Variants in ZNF599 observed in about 807,000 individuals in gnomAD.
ZNF599 encodes zinc finger protein 599.
Under a neutral mutation model 11.7 loss-of-function variants are expected in ZNF599, and 10 were observed. The ratio of observed to expected loss-of-function variants is 0.86; its 90% CI spans 0.53 to 1.45. The LOEUF (loss-of-function observed/expected upper bound fraction) is 1.45. ZNF599 is among the 40% of genes most tolerant of loss of function. The pLI is 0.00. For missense variants in ZNF599, 688 were observed against 713.6 expected, an observed-to-expected ratio of 0.96 and a Z score of 0.41; for synonymous variants, 232 against 253.2, an observed-to-expected ratio of 0.92 and a Z score of 0.79.
the ZNF599 span, among the ~76,000 whole-genome samples, chr19:34,805,057 C>A: frequency 1.2e-4 from 19 of 152,330 alleles, no homozygotes; most frequent in Middle Eastern, 3.4e-3. Flanking sequence ...ACATATCTTC[C>A]TACTTTCTCT....
chr19:34,768,178 G>A (rs1476574690), intron 2 of ZNF599, among the ~76,000 whole-genome samples: 1 of 152,120 alleles, frequency 6.6e-6, no homozygotes, highest in Admixed American at 6.5e-5. Context: ...CTCAGCAAAT[G>A]TTCTGCCATA....
At chr19:34,772,647 G>A in intron 1 of ZNF599, 177 bp downstream of exon 1, 5 of 1,403,144 alleles carry the variant, frequency 3.6e-6, no homozygotes, top group Non-Finnish European at 4.6e-6. Flanking sequence ...CCTGGATTCA[G>A]GACCCTGGGT....
the ZNF599 span, among the ~76,000 whole-genome samples, chr19:34,786,933 G>T: frequency 6.6e-6 from 1 of 152,128 alleles, no homozygotes; most frequent in African/African-American, 2.4e-5. Context: ...TAACATTAAA[G>T]ACTGTTCTAA....
At chr19:34,797,260 G>T in the ZNF599 span, among the ~76,000 whole-genome samples, 1 of 152,092 alleles carries the variant, frequency 6.6e-6, no homozygotes, top group Non-Finnish European at 1.5e-5. Context: ...TGTGAATAGT[G>T]CCGCAATAAA....
At chr19:34,792,418 T>C in the ZNF599 span, among the ~76,000 whole-genome samples, 1 of 152,182 alleles carries the variant, frequency 6.6e-6, no homozygotes, top group Non-Finnish European at 1.5e-5. Flanking sequence ...CTAAATTGAC[T>C]GATGCCTGAC....
At chr19:34,776,903 A>G (rs1220074107), upstream of ZNF599, among the ~76,000 whole-genome samples, 2 of 152,246 alleles carry the variant, frequency 1.3e-5, no homozygotes, top group East Asian at 3.9e-4. Flanking sequence ...TGGAAGGGGT[A>G]GTAACTTTTG....
At chr19:34,774,357 C>A (rs2069206348), upstream of ZNF599, among the ~76,000 whole-genome samples, 1 of 152,202 alleles carries the variant, frequency 6.6e-6, no homozygotes, top group Non-Finnish European at 1.5e-5. Context: ...TTATGCCCAG[C>A]AACTCAGGGT....
At chr19:34,761,070 T>C (rs377547815) in intron 3 of ZNF599, among the ~76,000 whole-genome samples, 1 of 152,068 alleles carries the variant, frequency 6.6e-6, no homozygotes, top group Admixed American at 6.5e-5. Context: ...AAACAGAATG[T>C]ACAAGGGCTG....
chr19:34,777,367 T>TTATATATTATATATTAATTAATATATAA (rs1568496943), upstream of ZNF599, among the ~76,000 whole-genome samples: 38 of 67,110 alleles, frequency 5.7e-4, no homozygotes, highest in Non-Finnish European at 9.2e-4. Context: ...TATTAATATA[T>TTATATATTATATATTAATTAATATATAA]TATATATTAT....
rs547493229 is a variant in ZNF599, at chr19:34,759,547, G to C, written c.1254C>G (p.Thr418=). 1 of 1,612,098 alleles carries C rather than the reference G, an allele frequency of 6.2e-7. No homozygotes were observed. The highest frequency in any genetic ancestry group is 8.5e-7 in the Non-Finnish European group (1 of 1,179,580). ...CTTTGCACTCAAAGGGCTTCTCTCC[G>C]GTATGGGTCCTCTTATGTCGGATGA... ...STFIRHKRTH[T]GEKPFECKEC... Residue 418 remains threonine (T), a synonymous_variant, in exon 4 of 4, where the codon ACC becomes ACG. Transcript: ENST00000329285.
chr19:34,759,142 G>T lies in ZNF599; in HGVS notation c.1659C>A (p.His553Gln). 3 of 1,614,192 alleles carry T rather than the reference G, an allele frequency of 1.9e-6. No homozygotes were observed. The highest frequency in any genetic ancestry group is 2.5e-6 in the Non-Finnish European group (3 of 1,180,030). ...AFCDNFALTQHMRTHTGEKPF... is the reference protein window; with the variant it reads ...AFCDNFALTQQMRTHTGEKPF... ...GTTTCTCTCCAGTGTGAGTTCTCATGTGCTGAGTTAAAGCAAAGTTGTCAC... is the reference window on the plus strand; with the variant it reads ...GTTTCTCTCCAGTGTGAGTTCTCATTTGCTGAGTTAAAGCAAAGTTGTCAC... The change falls in exon 4 of 4, where the codon CAC becomes CAA. Residue 553 changes from histidine (H) to glutamine (Q), a missense_variant. His to Gln is a conservative substitution (Grantham distance 24). Transcript: ENST00000329285.
chr19:34,795,811 A>ATTTTC, the ZNF599 span, among the ~76,000 whole-genome samples: 1 of 149,290 alleles, frequency 6.7e-6, no homozygotes, highest in African/African-American at 2.6e-5. Context: ...TTATCTGTGC[A>ATTTTC]TTTTCTTTTC....
Position 34,759,392 on chromosome 19 carries a change from T to C in ZNF599, c.1409A>G (p.Asn470Ser), listed in dbSNP as rs1236507067. 1 of 1,614,000 alleles carries C rather than the reference T, an allele frequency of 6.2e-7. No individual in the cohort carries two copies. Among genetic ancestry groups the C allele is most frequent in the Non-Finnish European group, 8.5e-7 (1 of 1,180,018 alleles). Residue 470 changes from asparagine (N) to serine (S), a missense_variant, in exon 4 of 4, where the codon AAT (asparagine) becomes AGT (serine). Coordinates refer to ENST00000329285, the MANE Select transcript of ZNF599 (RefSeq NM_001007248.3). ...FTHHSVFIRH[N>S]RTHSGQKPLE... ...GGGTTTTTGTCCACTGTGGGTCCTA[T>C]TATGTCGAATAAAAACAGAGTGGTG...
At position 34,759,297 on chromosome 19, in the gene ZNF599, T is replaced by A; in HGVS notation, c.1504A>T (p.Thr502Ser). 2 of 1,614,242 alleles carry A rather than the reference T, an allele frequency of 1.2e-6. No individual in the cohort carries two copies. Among genetic ancestry groups the A allele is most frequent in the Non-Finnish European group, 1.7e-6 (2 of 1,180,042 alleles). ...SSFTRHMRIH[T>S]GEKPYVCREC... The stretch of plus-strand genomic sequence containing the variant: ...CTACAAACATAGGGCTTCTCTCCAG[T>A]GTGAATCCTCATGTGTCGAGTGAAG... The change falls in exon 4 of 4, where the codon ACT (threonine) becomes TCT (serine). Residue 502 changes from threonine to serine, a missense_variant. Thr to Ser is a moderately conservative substitution (Grantham distance 58). Coordinates refer to ENST00000329285, the MANE Select transcript of ZNF599 (RefSeq NM_001007248.3).
the ZNF599 span, chr19:34,780,042 C>G: frequency 6.5e-6 from 1 of 153,322 alleles, no homozygotes; most frequent in South Asian, 2.1e-4. Flanking sequence ...CAAGTCTTCA[C>G]AAGCAAGGTC....
intron 1 of ZNF599, 79 bp downstream of exon 1, chr19:34,772,745 G>A: frequency 6.5e-7 from 1 of 1,531,502 alleles, no homozygotes; most frequent in African/African-American, 1.4e-5. Flanking sequence ...ACAGAGTCCC[G>A]GCATCCGCCG....
In ZNF599 at chr19:34,759,243, CA is replaced by C. The variant is rs1240021365; in HGVS notation, c.1557del (p.Ala520GlnfsTer31). ...ATCCTATTATGCCGAACAAAATTTG[CA>C]GGTTGGGTAAAAGCCTTTCCACATT... Reference protein sequence around the residue: ...CRECGKAFTQPANFVRHNRIH... With the variant: ...CRECGKAFTQXANFVRHNRIH... On this transcript the variant is annotated frameshift_variant, in exon 4 of 4. Transcript: ENST00000329285. LOFTEE classifies it low-confidence loss of function (END_TRUNC). The C allele has an allele frequency of 2.5e-6, 4 of 1,613,804 alleles. No individual in the cohort carries two copies. The African/African-American group carries it at 4.0e-5, about 16-fold the overall frequency.
At chr19:34,775,211 T>C (rs2069212484), upstream of ZNF599, among the ~76,000 whole-genome samples, 1 of 152,200 alleles carries the variant, frequency 6.6e-6, no homozygotes, top group South Asian at 2.1e-4. Flanking sequence ...AATTACCCAG[T>C]CTCAGGTTTT....
At chr19:34,777,383 A>AT (rs1333831092), upstream of ZNF599, among the ~76,000 whole-genome samples, 2 of 89,614 alleles carry the variant, frequency 2.2e-5, no homozygotes, top group Non-Finnish European at 4.0e-5. Flanking sequence ...ATTATATATT[A>AT]ATTAATATAT....
Sources: gnomAD v4.1 joint callset for allele counts (sites outside exome capture counted in the v4.1 genomes callset) on GRCh38, gnomAD v4.1.1 for gene constraint, MANE v1.5 for transcripts, NCBI Gene and HGNC (gene_info 2026-07-23, HGNC 2026-07-21) for gene names.